The following CRYBG1 variants were observed in gnomAD, a reference collection of about 807,000 sequenced individuals.
CRYBG1 encodes beta/gamma crystallin domain-containing protein 1.
Under a neutral mutation model 189.2 loss-of-function variants are expected in CRYBG1, and 139 were observed. The observed-to-expected ratio is 0.73, with a 90% CI of 0.64 to 0.85. The LOEUF (loss-of-function observed/expected upper bound fraction) is 0.85, where lower values mean the gene tolerates loss of function less well. Among genes scored for constraint, CRYBG1 ranks in the 40% least tolerant of loss-of-function variants. The probability of loss-of-function intolerance (pLI) is 0.00; values close to 1 mark genes in which losing one functional copy is unlikely to be tolerated. For synonymous variants in CRYBG1, 1,023 were observed against 1,017.1 expected (o/e 1.01, Z -0.11); for missense variants, 2,611 against 2,675.8 (o/e 0.98, Z 0.53).
At chr6:106,536,591 T>G (rs1582824722) in intron 8 of CRYBG1, among the ~76,000 whole-genome samples, 1 of 152,350 alleles carries the variant, frequency 6.6e-6, no homozygotes, top group African/African-American at 2.4e-5. Flanking sequence ...TGATTTTTCT[T>G]GTGTGACTCA....
Position 106,530,307 on chromosome 6 carries a change from T to C in CRYBG1, c.4710T>C (p.His1570=), listed in dbSNP as rs760703728. 1 of 1,604,746 alleles carries C rather than the reference T, an allele frequency of 6.2e-7. No homozygotes were observed. The highest frequency in any genetic ancestry group is 8.5e-7 in the Non-Finnish European group (1 of 1,176,478). The change falls in exon 8 of 22, where the codon CAT becomes CAC. Residue 1570 remains histidine (H), a synonymous_variant. Coordinates refer to ENST00000633556, the MANE Select transcript of CRYBG1 (RefSeq NM_001371242.2). ...VMQKTCSMKV[H]WGTWLIYEEP... ...AGAAGACTTGTTCCATGAAAGTACA[T>C]TGGGGCACGTAAGTATTTTTTTTTC...
chr6:106,455,698 C>T (rs1363790142), intron 2 of CRYBG1, among the ~76,000 whole-genome samples: 1 of 151,994 alleles, frequency 6.6e-6, no homozygotes, highest in East Asian at 1.9e-4. Context: ...TTCAATTATT[C>T]TCGCCTCACA....
At chr6:106,411,187 G>A (rs1201693325) in intron 1 of CRYBG1, among the ~76,000 whole-genome samples, 4 of 152,284 alleles carry the variant, frequency 2.6e-5, no homozygotes, top group Non-Finnish European at 5.9e-5. Flanking sequence ...GTAATAAAAT[G>A]CATTTGAAAC....
At chr6:106,482,212 G>A (rs1772478121) in intron 2 of CRYBG1, among the ~76,000 whole-genome samples, 1 of 152,158 alleles carries the variant, frequency 6.6e-6, no homozygotes, top group South Asian at 2.1e-4. Flanking sequence ...GCTTCTTGAA[G>A]GCCATTGAGA....
At chr6:106,381,468 G>C (rs1275300078) in intron 1 of CRYBG1, among the ~76,000 whole-genome samples, 1 of 152,200 alleles carries the variant, frequency 6.6e-6, no homozygotes. Context: ...GTTTTACTGA[G>C]AGAAGGTTAC....
chr6:106,387,839 A>G (rs947213145), intron 1 of CRYBG1, among the ~76,000 whole-genome samples: 8 of 152,212 alleles, frequency 5.3e-5, no homozygotes, highest in African/African-American at 1.9e-4. Flanking sequence ...AAATAACTCA[A>G]AAATAGCTTT....
At chr6:106,504,047 AAC>A (rs1491283269) in intron 2 of CRYBG1, among the ~76,000 whole-genome samples, 39,784 of 140,812 alleles carry the variant, frequency 0.28, 5,793 homozygotes, top group South Asian at 0.41. Context: ...AAAAAAAAAA[AAC>A]CACAACCATT....
At chr6:106,393,271 A>G (rs1423668223) in intron 1 of CRYBG1, among the ~76,000 whole-genome samples, 2 of 152,212 alleles carry the variant, frequency 1.3e-5, no homozygotes, top group East Asian at 1.9e-4. Context: ...ACATGAATCA[A>G]TGATGCACAG....
At chr6:106,536,773 T>C (rs1392485945) in intron 8 of CRYBG1, among the ~76,000 whole-genome samples, 1 of 152,234 alleles carries the variant, frequency 6.6e-6, no homozygotes, top group Admixed American at 6.5e-5. Flanking sequence ...TTGTACTTTT[T>C]AATCTATATT....
At chr6:106,454,559 T>C (rs1771847083) in intron 2 of CRYBG1, among the ~76,000 whole-genome samples, 1 of 152,208 alleles carries the variant, frequency 6.6e-6, no homozygotes, top group Admixed American at 6.5e-5. Flanking sequence ...TTCAGCAGGT[T>C]TGCGGAGGGA....
At chr6:106,458,515 G>A (rs564989505) in intron 2 of CRYBG1, among the ~76,000 whole-genome samples, 1 of 152,236 alleles carries the variant, frequency 6.6e-6, no homozygotes, top group South Asian at 2.1e-4. Flanking sequence ...GTCAGACTAG[G>A]AAGCCCTAAG....
chr6:106,488,094 G>A (rs957296723), intron 2 of CRYBG1, among the ~76,000 whole-genome samples: 3 of 152,192 alleles, frequency 2.0e-5, no homozygotes, highest in African/African-American at 7.2e-5. Flanking sequence ...TGCAATGCCT[G>A]TGATTAGCTC....
At chr6:106,422,534 T>C (rs2114390591) in intron 1 of CRYBG1, among the ~76,000 whole-genome samples, 1 of 150,782 alleles carries the variant, frequency 6.6e-6, no homozygotes, top group East Asian at 2.0e-4. Context: ...TGTTTCACCA[T>C]ATTGCCCAGG....
chr6:106,379,213 A>G (rs117126649), intron 1 of CRYBG1, among the ~76,000 whole-genome samples: 2,343 of 152,280 alleles, frequency 0.015, 47 homozygotes, highest in South Asian at 0.049. Flanking sequence ...AAATGAAAAC[A>G]CTTATTTGAT....
Position 106,527,421 on chromosome 6 carries a change from C to CA in CRYBG1, c.4530dup (p.Glu1511ArgfsTer3). On this transcript the variant is annotated frameshift_variant, in exon 7 of 22. Transcript: ENST00000633556. LOFTEE classifies it high-confidence loss of function. Reference sequence around the variant, plus strand: ...GACATTTTGGAAAGGCACGAAGAAGCAGAGTCTGATAAGCCAGTGGTGATT... The same window carrying CA: ...GACATTTTGGAAAGGCACGAAGAAGCAAGAGTCTGATAAGCCAGTGGTGATT... The CA allele has an allele frequency of 6.2e-7, 1 of 1,613,630 alleles. No individual in the cohort carries two copies. The highest frequency in any genetic ancestry group is 1.1e-5 in the South Asian group (1 of 91,058).
At chr6:106,478,558 C>A (rs1772381626) in intron 2 of CRYBG1, among the ~76,000 whole-genome samples, 1 of 152,204 alleles carries the variant, frequency 6.6e-6, no homozygotes, top group African/African-American at 2.4e-5. Context: ...TCCCAACATA[C>A]CATTTTTATA....
chr6:106,365,451 C>CAAAAA (rs10683623), intron 1 of CRYBG1, among the ~76,000 whole-genome samples: 1 of 140,128 alleles, frequency 7.1e-6, no homozygotes, highest in Non-Finnish European at 1.5e-5. Flanking sequence ...GAAACAAAAC[C>CAAAAA]AAAAAAAAAA....
In CRYBG1 at chr6:106,499,296, G is replaced by A. The variant is rs1772944218; in HGVS notation, c.313-12134G>A. Among the ~76,000 whole-genome samples, 3 of 150,268 alleles carry A rather than the reference G, an allele frequency of 2.0e-5. No individual in the cohort carries two copies. In the South Asian group the frequency reaches 6.3e-4, roughly 32 times the overall value. On this transcript the variant is annotated intron_variant, in intron 2 of 21. Transcript: ENST00000633556. ...GCCTCCCAAGTAGCTGGGATTACAG[G>A]TGCCGGCCACCACACCCGGCTAATT...
At chr6:106,423,262 T>G (rs1324951730) in intron 1 of CRYBG1, among the ~76,000 whole-genome samples, 6 of 149,600 alleles carry the variant, frequency 4.0e-5, no homozygotes, top group African/African-American at 9.9e-5. Flanking sequence ...TTTTTTTTTT[T>G]TTTTTTTTTT....
Sources: allele counts gnomAD v4.1 joint callset (sites outside exome capture counted in the v4.1 genomes callset), GRCh38; gene constraint gnomAD v4.1.1; transcripts MANE v1.5; gene names NCBI Gene and HGNC (gene_info 2026-07-23, HGNC 2026-07-21).